VAV2: variants seen among roughly 807,000 people sequenced by gnomAD.
VAV2 encodes guanine nucleotide exchange factor VAV2.
A neutral mutation model predicts 132.5 loss-of-function variants in VAV2; 67 were observed. The ratio of observed to expected loss-of-function variants is 0.51; its 90% CI spans 0.42 to 0.62. The LOEUF is 0.62. Among genes scored for constraint, VAV2 ranks in the 20% least tolerant of loss-of-function variants. VAV2 has a pLI of 0.00. For missense variants in VAV2, 938 were observed against 1,153.6 expected (o/e 0.81, Z 2.71); for synonymous variants, 492 against 443.5 (o/e 1.11, Z -1.37).
chr9:133,880,984 A>G (rs1258301852), intron 2 of VAV2, among the ~76,000 whole-genome samples: 1 of 152,034 alleles, frequency 6.6e-6, no homozygotes, highest in Non-Finnish European at 1.5e-5. Flanking sequence ...CAGTCCCCCC[A>G]CTGTCAGGTG....
In VAV2 at chr9:133,788,445, C is replaced by A. The variant is rs138761889; in HGVS notation, c.1316G>T (p.Arg439Leu). 1.2e-6 allele frequency: 2 copies of A among 1,612,010 alleles called. No homozygotes were observed. Among genetic ancestry groups the A allele is most frequent in the Non-Finnish European group, 1.7e-6 (2 of 1,178,298 alleles). ...LFDKVVIVCK[R>L]KGYSYELKEI... ...CTTGAGCTCGTAGCTGTAGCCCTTC[C>A]GCTTGCAGACGATGACCACCTTGTC... is the stretch of plus-strand genomic sequence containing the variant. Residue 439 changes from arginine to leucine, a missense_variant, in exon 15 of 30, where the codon CGG (arginine) becomes CTG (leucine). By Grantham distance (102) the Arg-to-Leu change is moderately radical. Transcript: ENST00000371850. The surrounding 1 kb of genome is among the most constrained non-coding windows in gnomAD (Gnocchi z 5.3).
At position 133,769,303 on chromosome 9, in the gene VAV2, G is replaced by C; in HGVS notation, c.2434+114C>G. On this transcript the variant is annotated intron_variant, in intron 28 of 29. Coordinates refer to ENST00000371850, the MANE Select transcript of VAV2 (RefSeq NM_001134398.2). The surrounding 1 kb of genome is among the most constrained non-coding windows in gnomAD (Gnocchi z 8.1). ...CCCCTCCACCCAGTGCCAGACTGCGGACAACTGTGGCCACGTCAGGCAGGG... is the reference window on the plus strand; with the variant it reads ...CCCCTCCACCCAGTGCCAGACTGCGCACAACTGTGGCCACGTCAGGCAGGG... 8.5e-7 allele frequency: 1 copy of C among 1,174,370 alleles called. No individual in the cohort carries two copies. Among genetic ancestry groups the C allele is most frequent in the Non-Finnish European group, 1.2e-6 (1 of 842,878 alleles). The allele number at this position is 1,174,370 out of a possible 1,614,324, so 72.7% of individuals were successfully genotyped here.
chr9:133,785,446 C>G (rs996158849), intron 17 of VAV2, among the ~76,000 whole-genome samples: 1 of 152,240 alleles, frequency 6.6e-6, no homozygotes, highest in Non-Finnish European at 1.5e-5. Flanking sequence ...GGCATCATGG[C>G]CACTCCCAGC....
Position 133,895,523 on chromosome 9 carries a change from G to A in VAV2, c.322-34091C>T, listed in dbSNP as rs180953715. 1.5e-4 allele frequency among the ~76,000 whole-genome samples: 23 copies of A among 152,348 alleles called. No individual in the cohort carries two copies. In the East Asian group the frequency reaches 4.4e-3, roughly 29 times the overall value. ...GAGAAGCTCTGATTCTCACCGCAAC[G>A]TGCCAGCGGGTGCCAGCCAGGCACA... On this transcript the variant is annotated intron_variant, in intron 2 of 29. Transcript: ENST00000371850.
chr9:133,861,138 G>C (rs1316634475), intron 3 of VAV2: 1 of 469,186 alleles, frequency 2.1e-6, no homozygotes, highest in Non-Finnish European at 3.8e-6. Context: ...AATCGAAAGA[G>C]ATTTTGCAGC....
At chr9:133,776,545 G>C (rs74569455) in intron 23 of VAV2, among the ~76,000 whole-genome samples, 13,181 of 152,204 alleles carry the variant, frequency 0.087, 611 homozygotes, top group Admixed American at 0.11. Flanking sequence ...TGGGCCACAG[G>C]CTGGGCACAG....
At chr9:133,986,254 C>T (rs10120683) in intron 1 of VAV2, among the ~76,000 whole-genome samples, 32,428 of 151,982 alleles carry the variant, frequency 0.21, 4,442 homozygotes, top group African/African-American at 0.39. Context: ...AGCGTGGAGG[C>T]GGAGCTAGAC....
At chr9:133,954,042 T>C (rs906689660) in intron 1 of VAV2, among the ~76,000 whole-genome samples, 2 of 152,078 alleles carry the variant, frequency 1.3e-5, no homozygotes, top group African/African-American at 4.8e-5. Context: ...ATCCCAGCAC[T>C]ATACACGCCA....
chr9:133,906,123 C>G (rs1188295367), intron 2 of VAV2, among the ~76,000 whole-genome samples: 1 of 152,206 alleles, frequency 6.6e-6, no homozygotes, highest in African/African-American at 2.4e-5. Context: ...GAGGTATCGG[C>G]AGTCCCCAGT....
intron 2 of VAV2, among the ~76,000 whole-genome samples, chr9:133,905,315 A>G (rs2132025631): frequency 6.6e-6 from 1 of 150,830 alleles, no homozygotes; most frequent in South Asian, 2.1e-4. Flanking sequence ...GGGCACCTGT[A>G]GTCCCAGCTA....
chr9:133,958,579 G>A (rs1313756244), intron 1 of VAV2, among the ~76,000 whole-genome samples: 1 of 149,594 alleles, frequency 6.7e-6, no homozygotes, highest in Non-Finnish European at 1.5e-5. Flanking sequence ...AATACTAAAG[G>A]GAACTCAGAG....
intron 4 of VAV2, among the ~76,000 whole-genome samples, chr9:133,832,375 T>TGGG (rs1227255636): frequency 6.6e-6 from 1 of 152,036 alleles, no homozygotes; most frequent in Non-Finnish European, 1.5e-5. Flanking sequence ...GCAAGTAGGG[T>TGGG]GGCTGCAGAC....
chr9:133,870,401 AAAG>A (rs1249359820), intron 2 of VAV2, among the ~76,000 whole-genome samples: 1 of 152,246 alleles, frequency 6.6e-6, no homozygotes, highest in Non-Finnish European at 1.5e-5. Flanking sequence ...TTGTCCTTAC[AAAG>A]AAGATCAGGG....
At chr9:133,875,244 G>C (rs974020494) in intron 2 of VAV2, among the ~76,000 whole-genome samples, 24 of 152,194 alleles carry the variant, frequency 1.6e-4, no homozygotes, top group African/African-American at 5.5e-4. Context: ...GGCCAGAGCC[G>C]AGTGCCGAAC....
chr9:133,785,024 G>C (rs1369179647), intron 17 of VAV2, among the ~76,000 whole-genome samples: 3 of 152,300 alleles, frequency 2.0e-5, no homozygotes, highest in African/African-American at 7.2e-5. Context: ...AGTGGCCGAA[G>C]AGAAGATGCC....
At chr9:133,923,578 T>A (rs1165568554) in intron 2 of VAV2, among the ~76,000 whole-genome samples, 2 of 152,214 alleles carry the variant, frequency 1.3e-5, no homozygotes, top group African/African-American at 4.8e-5. Flanking sequence ...TGTGGAAGAC[T>A]GTGGCGATTC....
chr9:133,981,595 G>A (rs1842696089), intron 1 of VAV2, among the ~76,000 whole-genome samples: 1 of 152,238 alleles, frequency 6.6e-6, no homozygotes, highest in Admixed American at 6.5e-5. Context: ...TGCGCTGGGC[G>A]CCAGACACAC....
chr9:133,938,574 C>A (rs898574987), intron 2 of VAV2, among the ~76,000 whole-genome samples: 45 of 152,088 alleles, frequency 3.0e-4, no homozygotes, highest in Non-Finnish European at 8.8e-5. Context: ...GGGGTCACCA[C>A]TGGAGAATAC....
intron 2 of VAV2, among the ~76,000 whole-genome samples, chr9:133,868,552 G>A (rs933356961): frequency 6.6e-6 from 1 of 152,220 alleles, no homozygotes; most frequent in South Asian, 2.1e-4. Context: ...GACTGTGCCC[G>A]ATCAGAAGGT....
Sources: allele counts gnomAD v4.1 joint callset (sites outside exome capture counted in the v4.1 genomes callset), GRCh38; gene constraint gnomAD v4.1.1; non-coding constraint Gnocchi (gnomAD v3.1); transcripts MANE v1.5; gene names NCBI Gene and HGNC (gene_info 2026-07-23, HGNC 2026-07-21).